Variants in TOP1 observed in about 807,000 individuals in gnomAD.
TOP1 encodes DNA topoisomerase 1.
Under a neutral mutation model 111.1 loss-of-function variants are expected in TOP1, and 10 were observed. The observed-to-expected ratio is 0.09, with a 90% CI of 0.06 to 0.15. The LOEUF (loss-of-function observed/expected upper bound fraction) is 0.15. TOP1 is among the 10% of genes least tolerant of loss of function. TOP1 has a pLI of 1.00. For synonymous variants in TOP1, 271 were observed against 302.9 expected (o/e 0.89, Z 1.10); for missense variants, 474 against 926.7 (o/e 0.51, Z 6.34).
At position 41,094,216 on chromosome 20, in the gene TOP1, T is replaced by C. The variant is rs1546915; in HGVS notation, c.730+1629T>C. ...ATCTCAGAGGCAAATGCTTATGTTA[T>C]GTAAACATTTTGACCTGTTGACCAG... On this transcript the variant is annotated intron_variant, in intron 9 of 20. Transcript: ENST00000361337. This position sits in a 1 kb window ranked among gnomAD's most constrained non-coding sequence, Gnocchi z 4.4. Among the ~76,000 whole-genome samples the C allele has an allele frequency of 0.98, 148,820 of 152,296 alleles. 72,731 individuals are homozygous for C. The highest frequency in any genetic ancestry group is 1 in the East Asian group (5,182 of 5,184).
Position 41,061,292 on chromosome 20 carries a change from C to T in TOP1, c.59-102C>T. 1.8e-6 allele frequency: 2 copies of T among 1,125,538 alleles called. No individual in the cohort carries two copies. Among genetic ancestry groups the T allele is most frequent in the Middle Eastern group, 2.5e-4 (1 of 3,990 alleles). The allele number at this position is 1,125,538 out of a possible 1,614,324, so 69.7% of individuals were successfully genotyped here. A position where few individuals can be genotyped will look rare whatever the true frequency, so the allele number is the denominator to read the frequency against. On this transcript the variant is annotated intron_variant, in intron 2 of 20. Coordinates refer to ENST00000361337, the MANE Select transcript of TOP1 (RefSeq NM_003286.4). The surrounding 1 kb of genome is among the most constrained non-coding windows in gnomAD (Gnocchi z 4.6). ...GCATGTGCTATTATGCCTACCATGC[C>T]ATTTGAATCCTGTCATTGTACTTCT...
rs2033741930 is a variant in TOP1 at position 41,077,464 on chromosome 20, ACATAAGAGC to A, written c.280-115_280-107del. ...TTAGTTCATCTGTTCAGTTTTGGTAACATAAGAGCCAGCTTGTGATCATGATGTCCCAGG... is the reference window on the plus strand; with the variant it reads ...TTAGTTCATCTGTTCAGTTTTGGTAACAGCTTGTGATCATGATGTCCCAGG... On this transcript the variant is annotated intron_variant, in intron 4 of 20. Coordinates refer to ENST00000361337, the MANE Select transcript of TOP1 (RefSeq NM_003286.4). 3.8e-6 allele frequency: 3 copies of A among 792,770 alleles called. No homozygotes were observed. The Admixed American group carries it at 6.5e-5, about 17-fold the overall frequency. 49.1% of individuals were successfully genotyped at this position (792,770 alleles called of 1,614,324 possible).
At position 41,046,860 on chromosome 20, in the gene TOP1, C is replaced by G. The variant is rs1011045568; in HGVS notation, c.59-14534C>G. Among the ~76,000 whole-genome samples the G allele has an allele frequency of 1.3e-5, 2 of 152,188 alleles. No individual in the cohort carries two copies. The highest frequency in any genetic ancestry group is 4.8e-5 in the African/African-American group (2 of 41,444). Reference sequence around the variant, plus strand: ...TTTAACCAGCTTGCTGCTTAAGAAGCAGAATTAGCAGTGGGCCAGTCATTG... The same window carrying G: ...TTTAACCAGCTTGCTGCTTAAGAAGGAGAATTAGCAGTGGGCCAGTCATTG... On this transcript the variant is annotated intron_variant, in intron 2 of 20. Coordinates refer to ENST00000361337, the MANE Select transcript of TOP1 (RefSeq NM_003286.4). This position sits in a 1 kb window ranked among gnomAD's most constrained non-coding sequence, Gnocchi z 4.3.
intron 13 of TOP1, among the ~76,000 whole-genome samples, chr20:41,111,454 A>T (rs887192194): frequency 6.6e-6 from 1 of 152,212 alleles, no homozygotes; most frequent in African/African-American, 2.4e-5. Flanking sequence ...ATGATGTGAG[A>T]GTGCAGATGA....
rs1056984620 is a variant in TOP1 at position 41,097,884 on chromosome 20, A to G, written c.853-331A>G. 2.0e-5 allele frequency among the ~76,000 whole-genome samples: 3 copies of G among 152,310 alleles called. No homozygotes were observed. The highest frequency in any genetic ancestry group is 4.8e-5 in the African/African-American group (2 of 41,562). On this transcript the variant is annotated intron_variant, in intron 10 of 20. Coordinates refer to ENST00000361337, the MANE Select transcript of TOP1 (RefSeq NM_003286.4). This position sits in a 1 kb window ranked among gnomAD's most constrained non-coding sequence, Gnocchi z 4.2. ...TTAATAAATGAATAGAATAGGGGTAATGTTTCCAAGAGAGAATCAGTATGG... is the reference window on the plus strand; with the variant it reads ...TTAATAAATGAATAGAATAGGGGTAGTGTTTCCAAGAGAGAATCAGTATGG...
rs141324958 is a variant in TOP1, at chr20:41,079,272, C to T, written c.336-813C>T. 9.5e-4 allele frequency among the ~76,000 whole-genome samples: 144 copies of T among 152,242 alleles called. No individual in the cohort carries two copies. The highest frequency in any genetic ancestry group is 3.3e-3 in the African/African-American group (138 of 41,548). On this transcript the variant is annotated intron_variant, in intron 5 of 20. Coordinates refer to ENST00000361337, the MANE Select transcript of TOP1 (RefSeq NM_003286.4). This position sits in a 1 kb window ranked among gnomAD's most constrained non-coding sequence, Gnocchi z 4.0. ...GGCCATTTCTTGTACTAAGTTAAGG[C>T]AGTGAGGTTCTGAAGAGATGTGCCA...
At chr20:41,064,561 G>A (rs2033584599) in intron 3 of TOP1, among the ~76,000 whole-genome samples, 1 of 151,994 alleles carries the variant, frequency 6.6e-6, no homozygotes, top group Non-Finnish European at 1.5e-5. Flanking sequence ...ATTTGGTCTT[G>A]TGAACTTCTT....
intron 8 of TOP1, among the ~76,000 whole-genome samples, chr20:41,087,936 T>C (rs2033867496): frequency 6.6e-6 from 1 of 151,970 alleles, no homozygotes; most frequent in Non-Finnish European, 1.5e-5. Flanking sequence ...TGTTTGTTTA[T>C]TTGTTTTTAA....
intron 2 of TOP1, among the ~76,000 whole-genome samples, chr20:41,045,936 T>TTAGC (rs2033328147): frequency 6.6e-6 from 1 of 151,342 alleles, no homozygotes; most frequent in African/African-American, 2.5e-5. Flanking sequence ...TGGCTCACAG[T>TTAGC]TAGCTAGACA....
intron 2 of TOP1, among the ~76,000 whole-genome samples, chr20:41,050,228 G>A (rs1451337946): frequency 6.6e-6 from 1 of 152,196 alleles, no homozygotes; most frequent in Non-Finnish European, 1.5e-5. Flanking sequence ...GTGTTGGTCA[G>A]GCTGGTCTTG....
At chr20:41,085,158 T>C (rs2033833240) in intron 8 of TOP1, among the ~76,000 whole-genome samples, 1 of 152,044 alleles carries the variant, frequency 6.6e-6, no homozygotes, top group Admixed American at 6.5e-5. Context: ...AAAAGCTCTT[T>C]TAAAACAAAT....
chr20:41,051,946 G>C (rs184020106), intron 2 of TOP1, among the ~76,000 whole-genome samples: 1 of 152,140 alleles, frequency 6.6e-6, no homozygotes, highest in Non-Finnish European at 1.5e-5. Context: ...ATTTCTTGGA[G>C]ATTAGCCAGG....
chr20:41,038,399 T>A (rs751534227), intron 2 of TOP1, among the ~76,000 whole-genome samples: 1 of 152,214 alleles, frequency 6.6e-6, no homozygotes. Flanking sequence ...TCCTTGCCAA[T>A]GCTAAAAAAC....
chr20:41,045,688 A>G (rs942093072), intron 2 of TOP1, among the ~76,000 whole-genome samples: 1 of 152,270 alleles, frequency 6.6e-6, no homozygotes, highest in African/African-American at 2.4e-5. Context: ...CATGTTGCCT[A>G]TAACAAGAAG....
chr20:41,051,490 TA>T lies in TOP1; in HGVS notation c.59-9901del, dbSNP rs2033405034. On this transcript the variant is annotated intron_variant, in intron 2 of 20. Coordinates refer to ENST00000361337, the MANE Select transcript of TOP1 (RefSeq NM_003286.4). The stretch of plus-strand genomic sequence containing the variant: ...TATCCTTTTCTCCCTTAAGAAAGAG[TA>T]AATGTTTTTGCTTGGATTGAGTTTA... Among the ~76,000 whole-genome samples the T allele has an allele frequency of 2.6e-5, 4 of 152,052 alleles. No homozygotes were observed. The South Asian group carries it at 6.2e-4, about 24-fold the overall frequency.
At chr20:41,054,705 TC>T in intron 2 of TOP1, among the ~76,000 whole-genome samples, 2 of 152,356 alleles carry the variant, frequency 1.3e-5, no homozygotes, top group East Asian at 3.9e-4. Context: ...GATTGTAAAC[TC>T]CTTGAGGGCA....
At chr20:41,099,525 G>A (rs2034029370) in intron 11 of TOP1, among the ~76,000 whole-genome samples, 3 of 152,236 alleles carry the variant, frequency 2.0e-5, no homozygotes, top group Admixed American at 2.0e-4. Context: ...AGGGTAAGGA[G>A]GCTCAAAATC....
chr20:41,090,079 T>G lies in TOP1; in HGVS notation c.615-2393T>G, dbSNP rs761474632. On this transcript the variant is annotated intron_variant, in intron 8 of 20. Coordinates refer to ENST00000361337, the MANE Select transcript of TOP1 (RefSeq NM_003286.4). ...ACATCTGCCTCCCAGGTTCAAGTGA[T>G]TCTCATGCCTCAGCCTCCTGAGTAG... 7.2e-4 allele frequency among the ~76,000 whole-genome samples: 110 copies of G among 152,256 alleles called. 1 individual carries two copies. The highest frequency in any genetic ancestry group is 4.6e-4 in the Admixed American group (7 of 15,292).
chr20:41,056,866 G>A (rs1314411363), intron 2 of TOP1, among the ~76,000 whole-genome samples: 5 of 152,058 alleles, frequency 3.3e-5, no homozygotes, highest in African/African-American at 9.7e-5. Flanking sequence ...CCACAGCCCC[G>A]AGTTTCTCAC....
Sources: allele counts gnomAD v4.1 joint callset (sites outside exome capture counted in the v4.1 genomes callset), GRCh38; gene constraint gnomAD v4.1.1; non-coding constraint Gnocchi (gnomAD v3.1); transcripts MANE v1.5; gene names NCBI Gene and HGNC (gene_info 2026-07-23, HGNC 2026-07-21).